CACNA2D3: variants seen among roughly 807,000 people sequenced by gnomAD.
CACNA2D3 encodes the protein calcium voltage-gated channel auxiliary subunit alpha2delta 3.
Under a neutral mutation model 160.6 loss-of-function variants are expected in CACNA2D3, and 60 were observed. The observed-to-expected ratio is 0.37, with a 90% CI of 0.30 to 0.46. The LOEUF (loss-of-function observed/expected upper bound fraction) is 0.46. Ranked by LOEUF, CACNA2D3 falls within the 20% of genes least tolerant of loss-of-function variation. CACNA2D3 has a pLI of 1.00. For synonymous variants in CACNA2D3, 558 were observed against 492.9 expected, an observed-to-expected ratio of 1.13 and a Z score of -1.75; for missense variants, 1,205 against 1,365.0, an observed-to-expected ratio of 0.88 and a Z score of 1.85.
intron 2 of CACNA2D3, among the ~76,000 whole-genome samples, chr3:54,150,909 G>A (rs1700137566): frequency 6.6e-6 from 1 of 151,948 alleles, no homozygotes; most frequent in Non-Finnish European, 1.5e-5. Context: ...GGATGGATGG[G>A]TGAATGGATG....
At chr3:54,716,545 G>A (rs1339129608) in intron 11 of CACNA2D3, among the ~76,000 whole-genome samples, 2 of 152,134 alleles carry the variant, frequency 1.3e-5, no homozygotes, top group East Asian at 1.9e-4. Flanking sequence ...AATAAACAGA[G>A]TACAGGAAGC....
At chr3:54,741,469 A>G (rs759119218) in intron 11 of CACNA2D3, among the ~76,000 whole-genome samples, 2 of 152,132 alleles carry the variant, frequency 1.3e-5, no homozygotes, top group Non-Finnish European at 2.9e-5. Context: ...AGATCAAGTA[A>G]CTTGCTGGGC....
chr3:54,459,884 T>C lies in CACNA2D3; in HGVS notation c.382-43608T>C, dbSNP rs879713966. On this transcript the variant is annotated intron_variant, in intron 4 of 37. Coordinates refer to ENST00000474759, the MANE Select transcript of CACNA2D3 (RefSeq NM_018398.3). ...CTGAATGGTAATGCCTAGGTTTTCT[T>C]GTAGGGTTTTTATGGTTTTAGGTCT... is the stretch of plus-strand genomic sequence containing the variant. Among the ~76,000 whole-genome samples the C allele has an allele frequency of 5.2e-4, 79 of 152,220 alleles. 1 individual carries two copies. The highest frequency in any genetic ancestry group is 3.6e-3 in the Admixed American group (55 of 15,270).
chr3:55,074,116 G>C lies in CACNA2D3; in HGVS notation c.3186G>C (p.Glu1062Asp). 6.2e-7 allele frequency: 1 copy of C among 1,612,928 alleles called. No homozygotes were observed. The highest frequency in any genetic ancestry group is 8.5e-7 in the Non-Finnish European group (1 of 1,178,882). The change falls in exon 38 of 38, where the codon GAG becomes GAC. Residue 1062 changes from glutamate to aspartate, a missense_variant and splice_region_variant. Around this residue, in one of 3 missense-constraint regions of CACNA2D3, gnomAD observed 911 missense variants for 1,002.2 expected, o/e 0.91. Coordinates refer to ENST00000474759, the MANE Select transcript of CACNA2D3 (RefSeq NM_018398.3). ...PESCHGFHPE[E>D]NARECGGAPS... ...CCAACCCCTGCCTTTCCCCATAGGAGAATGCAAGGGAGTGTGGGGGTGCGC... is the reference window on the plus strand; with the variant it reads ...CCAACCCCTGCCTTTCCCCATAGGACAATGCAAGGGAGTGTGGGGGTGCGC...
At chr3:54,278,814 T>A (rs1334698760) in intron 2 of CACNA2D3, among the ~76,000 whole-genome samples, 3 of 151,470 alleles carry the variant, frequency 2.0e-5, no homozygotes, top group Non-Finnish European at 4.4e-5. Context: ...GAGGGGAACA[T>A]CACACACCAG....
rs572229167 is a variant in CACNA2D3, at chr3:54,209,051, C to T, written c.204+85457C>T. The stretch of plus-strand genomic sequence containing the variant: ...CATGAAAACAGTATGGGGGAAACCA[C>T]CCCCATGATTCATTTGTCTCCCACG... On this transcript the variant is annotated intron_variant, in intron 2 of 37. Coordinates refer to ENST00000474759, the MANE Select transcript of CACNA2D3 (RefSeq NM_018398.3). Among the ~76,000 whole-genome samples, 5 of 152,232 alleles carry T rather than the reference C, an allele frequency of 3.3e-5. No homozygotes were observed. The South Asian group carries it at 1.0e-3, about 32-fold the overall frequency.
chr3:54,295,642 G>C lies in CACNA2D3; in HGVS notation c.205-24800G>C, dbSNP rs181046637. On this transcript the variant is annotated intron_variant, in intron 2 of 37. Transcript: ENST00000474759. ...CTTTCACTGAATGCACAATTTACAG[G>C]AATAGTCACTTATGCCTTAGTTAGT... Among the ~76,000 whole-genome samples, 81 of 152,266 alleles carry C rather than the reference G, an allele frequency of 5.3e-4. 1 individual carries two copies. Among genetic ancestry groups the C allele is most frequent in the African/African-American group, 1.9e-3 (79 of 41,554 alleles).
chr3:54,731,522 T>C (rs1403630016), intron 11 of CACNA2D3, among the ~76,000 whole-genome samples: 2 of 152,168 alleles, frequency 1.3e-5, no homozygotes, highest in African/African-American at 4.8e-5. Flanking sequence ...CATCATTGGC[T>C]CTCTCTTCAA....
Position 54,556,128 on chromosome 3 carries a change from C to T in CACNA2D3, c.545-6672C>T, listed in dbSNP as rs150944764. On this transcript the variant is annotated intron_variant, in intron 5 of 37. Coordinates refer to ENST00000474759, the MANE Select transcript of CACNA2D3 (RefSeq NM_018398.3). The stretch of plus-strand genomic sequence containing the variant: ...GTAGGATAATTCAGAGAACATTGAA[C>T]ATTGGTCCCAAAAAAGTATGTTCAC... 2.6e-4 allele frequency among the ~76,000 whole-genome samples: 40 copies of T among 152,238 alleles called. No homozygotes were observed. In the East Asian group the frequency reaches 6.6e-3, roughly 25 times the overall value.
intron 11 of CACNA2D3, among the ~76,000 whole-genome samples, chr3:54,645,220 T>G (rs561600214): frequency 1.3e-5 from 2 of 152,152 alleles, no homozygotes; most frequent in African/African-American, 4.8e-5. Flanking sequence ...GAGCCTCTTA[T>G]GAAACCATTA....
rs151086396 is a variant in CACNA2D3, at chr3:54,883,010, C to CA, written c.1912+2149dup. On this transcript the variant is annotated intron_variant, in intron 21 of 37. Transcript: ENST00000474759. Reference sequence around the variant, plus strand: ...CTCTTATGAATCTTTTAATCTTTTTCAACACTTTGTATCTTTTTGTGTGTG... The same window carrying CA: ...CTCTTATGAATCTTTTAATCTTTTTCAAACACTTTGTATCTTTTTGTGTGTG... 8.8e-3 allele frequency among the ~76,000 whole-genome samples: 1,332 copies of CA among 152,208 alleles called. 27 individuals are homozygous for CA. The highest frequency in any genetic ancestry group is 0.03 in the African/African-American group (1,266 of 41,534).
chr3:54,464,249 T>C (rs1416044553), intron 4 of CACNA2D3, among the ~76,000 whole-genome samples: 5 of 152,220 alleles, frequency 3.3e-5, no homozygotes, highest in Admixed American at 3.3e-4. Flanking sequence ...GGAGGCAGTC[T>C]GCCCCTTCTC....
chr3:54,241,640 G>T (rs1307895361), intron 2 of CACNA2D3, among the ~76,000 whole-genome samples: 1 of 152,214 alleles, frequency 6.6e-6, no homozygotes, highest in Non-Finnish European at 1.5e-5. Context: ...CGTGGCTGTG[G>T]TCACATGGAT....
chr3:55,044,785 C>T (rs1559472455), intron 35 of CACNA2D3, among the ~76,000 whole-genome samples: 1 of 152,006 alleles, frequency 6.6e-6, no homozygotes, highest in African/African-American at 2.4e-5. Flanking sequence ...AAGGGAGTTC[C>T]TTCTGTTCCT....
rs531554569 is a variant in CACNA2D3 at position 54,879,286 on chromosome 3, A to G, written c.1783-64A>G. 89 of 1,220,056 alleles carry G rather than the reference A, an allele frequency of 7.3e-5. 1 individual carries two copies. The highest frequency in any genetic ancestry group is 1.0e-4 in the Non-Finnish European group (87 of 849,006). 75.6% of individuals were successfully genotyped at this position (1,220,056 alleles called of 1,614,324 possible). Reference sequence around the variant, plus strand: ...CATTTATTTTTATTTATTTCTGAAGACGTCACTTAGCAGACTAACCATGTT... The same window carrying G: ...CATTTATTTTTATTTATTTCTGAAGGCGTCACTTAGCAGACTAACCATGTT... On this transcript the variant is annotated intron_variant, in intron 19 of 37. Coordinates refer to ENST00000474759, the MANE Select transcript of CACNA2D3 (RefSeq NM_018398.3).
chr3:54,282,077 A>G (rs187963011), intron 2 of CACNA2D3, among the ~76,000 whole-genome samples: 2 of 152,368 alleles, frequency 1.3e-5, no homozygotes, highest in Admixed American at 6.5e-5. Flanking sequence ...AAGGCTCTTC[A>G]TCACATAATT....
At chr3:54,482,463 A>C (rs1467264446) in intron 4 of CACNA2D3, among the ~76,000 whole-genome samples, 1 of 152,222 alleles carries the variant, frequency 6.6e-6, no homozygotes, top group Non-Finnish European at 1.5e-5. Context: ...GGAGATCTGA[A>C]TGTGAATTGA....
chr3:54,629,484 A>T (rs897868430), intron 10 of CACNA2D3, among the ~76,000 whole-genome samples: 12 of 152,080 alleles, frequency 7.9e-5, no homozygotes, highest in African/African-American at 2.9e-4. Flanking sequence ...TGCAGAGGAG[A>T]AGAGAAAAAT....
At chr3:54,897,512 T>TC (rs939363568) in intron 26 of CACNA2D3, among the ~76,000 whole-genome samples, 1 of 152,206 alleles carries the variant, frequency 6.6e-6, no homozygotes, top group African/African-American at 2.4e-5. Context: ...ATTTTTTTTT[T>TC]CTCTTGCCTC....
Sources: gnomAD v4.1 joint callset for allele counts (sites outside exome capture counted in the v4.1 genomes callset) on GRCh38, gnomAD v4.1.1 for gene constraint, gnomAD v4.1.1 regional missense constraint, MANE v1.5 for transcripts, NCBI Gene and HGNC (gene_info 2026-07-23, HGNC 2026-07-21) for gene names.